Variants in KIAA1614 observed in about 807,000 individuals in gnomAD.
The protein encoded by KIAA1614 is KIAA1614.
In KIAA1614, 76 loss-of-function variants were observed where a neutral mutation model predicts 88.7. That is an observed-to-expected ratio of 0.86 (90% CI 0.71 to 1.04). The LOEUF is 1.04. Ranked by LOEUF, KIAA1614 falls within the 50% of genes least tolerant of loss-of-function variation. KIAA1614 has a pLI of 0.00. For synonymous variants in KIAA1614, 714 were observed against 675.5 expected (o/e 1.06, Z -0.88); for missense variants, 1,553 against 1,582.5 (o/e 0.98, Z 0.32).
Position 180,916,899 on chromosome 1 carries a change from G to A in KIAA1614, c.796G>A (p.Val266Ile). 2 of 1,614,238 alleles carry A rather than the reference G, an allele frequency of 1.2e-6. No homozygotes were observed. The highest frequency in any genetic ancestry group is 1.1e-5 in the South Asian group (1 of 91,086). Residue 266 changes from valine to isoleucine, a missense_variant, in exon 2 of 9, where the codon GTC becomes ATC. Val to Ile is a conservative substitution (Grantham distance 29). Coordinates refer to ENST00000367588, the MANE Select transcript of KIAA1614 (RefSeq NM_020950.2). ...STSLTSEEVF[V>I]PRTALLGERW... The stretch of plus-strand genomic sequence containing the variant: ...ATCCCTGACCTCCGAGGAGGTCTTT[G>A]TCCCCAGGACGGCCCTGCTGGGTGA...
At chr1:180,926,049 C>A (rs1654061105) in intron 3 of KIAA1614, among the ~76,000 whole-genome samples, 1 of 152,218 alleles carries the variant, frequency 6.6e-6, no homozygotes, top group East Asian at 1.9e-4. Context: ...TATGCTCCAC[C>A]CTCTGAGCTA....
rs1654696510 is a variant in KIAA1614 at position 180,950,045 on chromosome 1, G to C, written c.*4457G>C. 6.6e-6 allele frequency: 1 copy of C among 152,630 alleles called. No homozygotes were observed. Among genetic ancestry groups the C allele is most frequent in the Non-Finnish European group, 1.5e-5 (1 of 68,320 alleles). The allele number at this position is 152,630 out of a possible 1,614,324, so 9.5% of individuals were successfully genotyped here. ...CACTCACTGTCAGGTATAAATAAAT[G>C]ACAACAGTTTAACGCGTTATTTGCA... On this transcript the variant is annotated 3_prime_UTR_variant, in exon 9 of 9. Coordinates refer to ENST00000367588, the MANE Select transcript of KIAA1614 (RefSeq NM_020950.2).
chr1:180,927,310 T>A (rs1472867794), intron 3 of KIAA1614, among the ~76,000 whole-genome samples: 2 of 152,098 alleles, frequency 1.3e-5, no homozygotes, highest in Non-Finnish European at 2.9e-5. Context: ...GTGGGGATGA[T>A]GAAGTTACCC....
At chr1:180,914,160 G>C (rs954995236) in intron 1 of KIAA1614, 5 of 151,878 alleles carry the variant, frequency 3.3e-5, no homozygotes, top group East Asian at 1.9e-4. Flanking sequence ...ACTTCAAGGG[G>C]GGGGGGACAT....
rs759166184 is a variant in KIAA1614, at chr1:180,935,296, C to G, written c.1387C>G (p.Arg463Gly). The change falls in exon 5 of 9, where the codon CGT (arginine) becomes GGT (glycine). Residue 463 changes from arginine (R) to glycine (G), a missense_variant. Physicochemically the swap from Arg to Gly is moderately radical, Grantham distance 125. Coordinates refer to ENST00000367588, the MANE Select transcript of KIAA1614 (RefSeq NM_020950.2). This position sits in a 1 kb window ranked among gnomAD's most constrained non-coding sequence, Gnocchi z 6.1. The stretch of plus-strand genomic sequence containing the variant: ...TGAGTCCGCCCGCGAAGCCGAGTTC[C>G]GTCACCTGGAGCGGCTGCAGCAGCG... ...EDESAREAEFRHLERLQQRQR... is the reference protein window; with the variant it reads ...EDESAREAEFGHLERLQQRQR... 1 of 1,497,710 alleles carries G rather than the reference C, an allele frequency of 6.7e-7. No homozygotes were observed. The highest frequency in any genetic ancestry group is 8.9e-7 in the Non-Finnish European group (1 of 1,127,370). The allele number at this position is 1,497,710 out of a possible 1,614,324, so 92.8% of individuals were successfully genotyped here.
chr1:180,936,030 C>A lies in KIAA1614; in HGVS notation c.2121C>A (p.Ala707=), dbSNP rs1181609361. The A allele has an allele frequency of 6.2e-7, 1 of 1,614,110 alleles. No homozygotes were observed. Among genetic ancestry groups the A allele is most frequent in the African/African-American group, 1.3e-5 (1 of 75,044 alleles). The part of the protein sequence containing the change: ...PEGTLFLRED[A]KPPDLELKRV... ...GAACTCTATTTTTGAGAGAAGATGC[C>A]AAGCCTCCTGACCTGGAGTTGAAGC... is the stretch of plus-strand genomic sequence containing the variant. Residue 707 remains alanine, a synonymous_variant, in exon 5 of 9, where the codon GCC becomes GCA. Transcript: ENST00000367588.
At position 180,935,535 on chromosome 1, in the gene KIAA1614, C is replaced by T. The variant is rs780366267; in HGVS notation, c.1626C>T (p.Cys542=). The T allele has an allele frequency of 6.4e-7, 1 of 1,570,390 alleles. No homozygotes were observed. The highest frequency in any genetic ancestry group is 8.6e-7 in the Non-Finnish European group (1 of 1,160,930). ...SERRCQACGS[C]IDDPRPAQGK... is the part of the protein sequence containing the mutation. ...GGAGGTGCCAGGCCTGCGGCAGCTGCATCGACGACCCGCGCCCCGCCCAGG... is the reference window on the plus strand; with the variant it reads ...GGAGGTGCCAGGCCTGCGGCAGCTGTATCGACGACCCGCGCCCCGCCCAGG... Residue 542 remains cysteine, a synonymous_variant, in exon 5 of 9, where the codon TGC becomes TGT. Transcript: ENST00000367588. This position sits in a 1 kb window ranked among gnomAD's most constrained non-coding sequence, Gnocchi z 6.1.
Position 180,950,431 on chromosome 1 carries a change from G to A in KIAA1614, c.*4843G>A, listed in dbSNP as rs1448455797. ...GCGATGAGATCCTCGAGGTGAACGG[G>A]GCCAAGGTGGCAGGGCTGGGCTTGG... On this transcript the variant is annotated 3_prime_UTR_variant, in exon 9 of 9. Transcript: ENST00000367588. 15 of 1,202,668 alleles carry A rather than the reference G, an allele frequency of 1.2e-5. No homozygotes were observed. The highest frequency in any genetic ancestry group is 1.6e-5 in the Non-Finnish European group (15 of 945,232). The allele number at this position is 1,202,668 out of a possible 1,614,324, so 74.5% of individuals were successfully genotyped here.
rs1654675304 is a variant in KIAA1614 at position 180,949,239 on chromosome 1, C to G, written c.*3651C>G. ...GGGTGCCAAAGGCTGCGCTGAGCAG[C>G]CTGAATTCCGCCAGTGCTGATGCCC... On this transcript the variant is annotated 3_prime_UTR_variant, in exon 9 of 9. Coordinates refer to ENST00000367588, the MANE Select transcript of KIAA1614 (RefSeq NM_020950.2). The G allele has an allele frequency of 6.6e-6, 1 of 152,354 alleles. No homozygotes were observed. Among genetic ancestry groups the G allele is most frequent in the Non-Finnish European group, 1.5e-5 (1 of 68,110 alleles). The allele number at this position is 152,354 out of a possible 1,614,324, so 9.4% of individuals were successfully genotyped here. A position where few individuals can be genotyped will look rare whatever the true frequency, so the allele number is the denominator to read the frequency against.
rs768204933 is a variant in KIAA1614 at position 180,916,994 on chromosome 1, G to A, written c.891G>A (p.Val297=). The change falls in exon 2 of 9, where the codon GTG becomes GTA. Residue 297 remains valine (V), a synonymous_variant. Coordinates refer to ENST00000367588, the MANE Select transcript of KIAA1614 (RefSeq NM_020950.2). ...GTGTCTTGTCCCTGTCTGATCGGGT[G>A]GAGAGAAACCGCCTGTTGCTGCAGG... The part of the protein sequence containing the change: ...GSSVLSLSDR[V]ERNRLLLQEM... 2 of 1,614,114 alleles carry A rather than the reference G, an allele frequency of 1.2e-6. No individual in the cohort carries two copies. The highest frequency in any genetic ancestry group is 2.2e-5 in the East Asian group (1 of 44,888).
At chr1:180,917,950 T>C in intron 3 of KIAA1614, 36 bp downstream of exon 3, 1 of 1,558,716 alleles carries the variant, frequency 6.4e-7, no homozygotes, top group Non-Finnish European at 8.8e-7. Context: ...TCTCCCTCCC[T>C]CCTCACCATG....
chr1:180,934,938 G>C (rs1654280587), intron 4 of KIAA1614, among the ~76,000 whole-genome samples, 177 bp from the exon 5 acceptor site: 1 of 152,214 alleles, frequency 6.6e-6, no homozygotes, highest in South Asian at 2.1e-4. Context: ...GGGCTGGCAA[G>C]CTACTCTGGT....
intron 4 of KIAA1614, among the ~76,000 whole-genome samples, chr1:180,931,365 T>G (rs1654194238): frequency 6.6e-6 from 1 of 152,138 alleles, no homozygotes; most frequent in African/African-American, 2.4e-5. Context: ...AGGGGAGCAA[T>G]GCTATGGAAA....
intron 5 of KIAA1614, among the ~76,000 whole-genome samples, chr1:180,938,336 T>G (rs1028052188): frequency 7.9e-5 from 12 of 152,188 alleles, no homozygotes; most frequent in African/African-American, 2.9e-4. Context: ...TCAAATAGTT[T>G]CCAGCTTAGA....
chr1:180,917,242 A>G, intron 2 of KIAA1614, 142 bp downstream of exon 2: 1 of 669,610 alleles, frequency 1.5e-6, no homozygotes, highest in Non-Finnish European at 2.5e-6. Flanking sequence ...CAAAATCATC[A>G]GGATGGCCTC....
At position 180,924,886 on chromosome 1, in the gene KIAA1614, A is replaced by AAAT. The variant is rs10522338; in HGVS notation, c.1062-3523_1062-3521dup. Reference sequence around the variant, plus strand: ...TAACAAAACAATGGTGCTAATGATAAAATAATAATAATAATAATAATAAAT... The same window carrying AAAT: ...TAACAAAACAATGGTGCTAATGATAAAATAATAATAATAATAATAATAATAAAT... On this transcript the variant is annotated intron_variant, in intron 3 of 8. Transcript: ENST00000367588. Among the ~76,000 whole-genome samples the AAAT allele has an allele frequency of 3.5e-4, 50 of 142,632 alleles. 2 individuals carry two copies. Among genetic ancestry groups the AAAT allele is most frequent in the African/African-American group, 6.8e-4 (27 of 39,472 alleles). The allele number at this position is 142,632 out of a possible 152,430, so 93.6% of individuals were successfully genotyped here. A position where few individuals can be genotyped will look rare whatever the true frequency, so the allele number is the denominator to read the frequency against.
intron 4 of KIAA1614, among the ~76,000 whole-genome samples, chr1:180,932,114 C>T (rs968629946): frequency 1.3e-5 from 2 of 152,118 alleles, no homozygotes; most frequent in Admixed American, 6.6e-5. Flanking sequence ...CCAGAATCCT[C>T]GTGTGGGTTC....
intron 3 of KIAA1614, 128 bp from the exon 4 acceptor site, chr1:180,928,302 G>A: frequency 8.6e-7 from 1 of 1,159,830 alleles, no homozygotes; most frequent in Non-Finnish European, 1.2e-6. Context: ...GGGTGCTAGA[G>A]GAGGAAGGCT....
chr1:180,935,249 C>T lies in KIAA1614; in HGVS notation c.1340C>T (p.Pro447Leu), dbSNP rs746862286. The change falls in exon 5 of 9, where the codon CCG becomes CTG. Residue 447 changes from proline to leucine, a missense_variant. By Grantham distance (98) the Pro-to-Leu change is moderately conservative. Coordinates refer to ENST00000367588, the MANE Select transcript of KIAA1614 (RefSeq NM_020950.2). This position sits in a 1 kb window ranked among gnomAD's most constrained non-coding sequence, Gnocchi z 6.1. Reference sequence around the variant, plus strand: ...CACAGGCCGAGGCGGGGCCCCTCGCCGTCGCACGTGCGCTTTGAGGATGAG... The same window carrying T: ...CACAGGCCGAGGCGGGGCCCCTCGCTGTCGCACGTGCGCTTTGAGGATGAG... ...GGHRPRRGPSPSHVRFEDESA... is the reference protein window; with the variant it reads ...GGHRPRRGPSLSHVRFEDESA... 2.0e-6 allele frequency: 3 copies of T among 1,527,410 alleles called. No homozygotes were observed. The highest frequency in any genetic ancestry group is 1.8e-6 in the Non-Finnish European group (2 of 1,140,600). The allele number at this position is 1,527,410 out of a possible 1,614,324, so 94.6% of individuals were successfully genotyped here.
Sources: gnomAD v4.1 joint callset for allele counts (sites outside exome capture counted in the v4.1 genomes callset) on GRCh38, gnomAD v4.1.1 for gene constraint, Gnocchi (gnomAD v3.1) non-coding constraint, MANE v1.5 for transcripts, NCBI Gene and HGNC (gene_info 2026-07-23, HGNC 2026-07-21) for gene names.